The following CEP192 variants were observed in gnomAD, a reference collection of about 807,000 sequenced individuals.
The protein encoded by CEP192 is centrosomal protein 192.
Under a neutral mutation model 271.8 loss-of-function variants are expected in CEP192, and 151 were observed. That is an observed-to-expected ratio of 0.56 (90% CI 0.49 to 0.64). The LOEUF (loss-of-function observed/expected upper bound fraction) is 0.64. Ranked by LOEUF, CEP192 falls within the 30% of genes least tolerant of loss-of-function variation. CEP192 has a pLI of 0.00. For missense variants in CEP192, 2,910 were observed against 3,020.5 expected, an observed-to-expected ratio of 0.96 and a Z score of 0.86; for synonymous variants, 995 against 1,076.5, an observed-to-expected ratio of 0.92 and a Z score of 1.48.
At chr18:13,124,609 G>C (rs760966577) in intron 44 of CEP192, 23 bp from the exon 45 acceptor site, 2 of 1,601,072 alleles carry the variant, frequency 1.2e-6, no homozygotes, top group South Asian at 1.1e-5. Flanking sequence ...ACATGCTGCT[G>C]TCATGTGCCT....
chr18:13,053,140 G>A (rs759067489), intron 18 of CEP192, 50 bp downstream of exon 18: 3 of 1,436,872 alleles, frequency 2.1e-6, no homozygotes, highest in Non-Finnish European at 2.8e-6. Flanking sequence ...ACTCTTAAAA[G>A]TGTTAACAGA....
chr18:13,088,696 G>A (rs1349148476), intron 32 of CEP192: 1 of 243,462 alleles, frequency 4.1e-6, no homozygotes, highest in East Asian at 9.2e-5. Flanking sequence ...CTTTGTGCTT[G>A]ACTGTTTTTT....
intron 28 of CEP192, among the ~76,000 whole-genome samples, 166 bp downstream of exon 28, chr18:13,071,378 A>AT (rs752185976): frequency 2.6e-5 from 4 of 152,212 alleles, no homozygotes; most frequent in Non-Finnish European, 5.9e-5. Context: ...GCTTTTCTTT[A>AT]ACATATATTC....
At position 13,049,489 on chromosome 18, in the gene CEP192, A is replaced by G. The variant is rs751821420; in HGVS notation, c.2698A>G (p.Ile900Val). 5 of 1,614,094 alleles carry G rather than the reference A, an allele frequency of 3.1e-6. No homozygotes were observed. The highest frequency in any genetic ancestry group is 4.2e-6 in the Non-Finnish European group (5 of 1,180,004). Reference protein sequence around the residue: ...DVGNDEKATSISTPSDSYSSV... With the variant: ...DVGNDEKATSVSTPSDSYSSV... ...TGGTAACGATGAAAAAGCTACCTCAATTTCCACTCCATCTGATAGTTATTC... is the reference window on the plus strand; with the variant it reads ...TGGTAACGATGAAAAAGCTACCTCAGTTTCCACTCCATCTGATAGTTATTC... The change falls in exon 16 of 45, where the codon ATT (isoleucine) becomes GTT (valine). Residue 900 changes from isoleucine to valine, a missense_variant. By Grantham distance (29) the Ile-to-Val change is conservative. Transcript: ENST00000506447.
chr18:13,086,287 C>T lies in CEP192; in HGVS notation c.5617-730C>T, dbSNP rs192299529. Among the ~76,000 whole-genome samples the T allele has an allele frequency of 4.4e-3, 677 of 152,302 alleles. 6 individuals are homozygous for T. Among genetic ancestry groups the T allele is most frequent in the Middle Eastern group, 0.017 (5 of 294 alleles). On this transcript the variant is annotated intron_variant, in intron 30 of 44. Coordinates refer to ENST00000506447, the MANE Select transcript of CEP192 (RefSeq NM_032142.4). ...AGATTAAGGAGATTTTGGACTGAGA[C>T]GATGGGGTTTTCTAAATATACAATC... is the stretch of plus-strand genomic sequence containing the variant.
chr18:13,020,258 C>T (rs572507882), intron 9 of CEP192, among the ~76,000 whole-genome samples: 7 of 152,278 alleles, frequency 4.6e-5, no homozygotes, highest in Admixed American at 6.5e-5. Context: ...CAACTCATGG[C>T]AGCTACCATT....
intron 1 of CEP192, among the ~76,000 whole-genome samples, chr18:12,992,185 G>A (rs2032904853): frequency 6.6e-6 from 1 of 152,080 alleles, no homozygotes; most frequent in Admixed American, 6.5e-5. Flanking sequence ...CTATTTTGAG[G>A]TCATTCGACT....
At chr18:13,124,515 C>A in intron 44 of CEP192, 117 bp from the exon 45 acceptor site, 4 of 853,036 alleles carry the variant, frequency 4.7e-6, no homozygotes, top group Admixed American at 2.9e-5. Flanking sequence ...TACATTTAAG[C>A]TGAATGTGGC....
intron 20 of CEP192, 74 bp from the exon 21 acceptor site, chr18:13,059,008 T>C: frequency 1.1e-6 from 1 of 936,016 alleles, no homozygotes; most frequent in Non-Finnish European, 1.7e-6. Context: ...GGAAAAGGAA[T>C]CTTAAACTAG....
At position 13,118,290 on chromosome 18, in the gene CEP192, A is replaced by G. The variant is rs571386231; in HGVS notation, c.7475+647A>G. On this transcript the variant is annotated intron_variant, in intron 44 of 44. Transcript: ENST00000506447. ...AATCTTTAAGTCATTTAATTATTGT[A>G]AAGTCTCTCATTTTAGCATTAGGAG... Among the ~76,000 whole-genome samples the G allele has an allele frequency of 5.7e-5, 7 of 121,982 alleles. No individual in the cohort carries two copies. In the South Asian group the frequency reaches 1.7e-3, roughly 30 times the overall value. The allele number at this position is 121,982 out of a possible 152,430, so 80.0% of individuals were successfully genotyped here. A position where few individuals can be genotyped will look rare whatever the true frequency, so the allele number is the denominator to read the frequency against.
intron 34 of CEP192, among the ~76,000 whole-genome samples, chr18:13,092,997 AC>A (rs2039223859): frequency 6.6e-6 from 1 of 152,104 alleles, no homozygotes; most frequent in Non-Finnish European, 1.5e-5. Flanking sequence ...TACTAAAAAT[AC>A]AAAAAAAAAA....
At chr18:13,064,481 G>A (rs1333526559) in intron 21 of CEP192, among the ~76,000 whole-genome samples, 6 of 151,974 alleles carry the variant, frequency 3.9e-5, no homozygotes, top group South Asian at 4.2e-4. Context: ...GCGTGGTGGC[G>A]GGCACCTGTA....
intron 3 of CEP192, among the ~76,000 whole-genome samples, chr18:13,006,231 A>G (rs2033972648): frequency 6.6e-6 from 1 of 150,944 alleles, no homozygotes; most frequent in African/African-American, 2.4e-5. Flanking sequence ...TCATTAAATC[A>G]TTTGGCAATC....
chr18:13,050,226 T>C (rs1321368519), intron 17 of CEP192, among the ~76,000 whole-genome samples: 1 of 152,210 alleles, frequency 6.6e-6, no homozygotes, highest in Non-Finnish European at 1.5e-5. Context: ...ATAACTTTGT[T>C]CATAAAATTT....
At chr18:13,067,596 A>C (rs1288804953) in intron 21 of CEP192, among the ~76,000 whole-genome samples, 1 of 152,208 alleles carries the variant, frequency 6.6e-6, no homozygotes, top group Non-Finnish European at 1.5e-5. Flanking sequence ...GTCTTTTCAA[A>C]GTAACAGCAG....
At chr18:13,050,587 TC>T (rs1169805324) in intron 17 of CEP192, among the ~76,000 whole-genome samples, 1 of 151,300 alleles carries the variant, frequency 6.6e-6, no homozygotes, top group Non-Finnish European at 1.5e-5. Flanking sequence ...TTTTTTTTTT[TC>T]TTTTTTTTTC....
rs2037876684 is a variant in CEP192, at chr18:13,069,187, C to T, written c.5055+6C>T. 1 of 1,607,800 alleles carries T rather than the reference C, an allele frequency of 6.2e-7. No individual in the cohort carries two copies. Among genetic ancestry groups the T allele is most frequent in the Non-Finnish European group, 8.5e-7 (1 of 1,174,216 alleles). ...AAGTTTATTTGGATATCAAGGTATGCACTTCCATGAGAGTGCCATAAGATA... is the reference window on the plus strand; with the variant it reads ...AAGTTTATTTGGATATCAAGGTATGTACTTCCATGAGAGTGCCATAAGATA... On this transcript the variant is annotated splice_donor_region_variant and intron_variant, in intron 26 of 44. Coordinates refer to ENST00000506447, the MANE Select transcript of CEP192 (RefSeq NM_032142.4).
rs565384485 is a variant in CEP192 at position 13,056,381 on chromosome 18, G to C, written c.3791G>C (p.Arg1264Pro). The change falls in exon 19 of 45, where the codon CGG becomes CCG. Residue 1264 changes from arginine (R) to proline (P), a missense_variant. Physicochemically the swap from Arg to Pro is moderately radical, Grantham distance 103. Transcript: ENST00000506447. ...PSLSAAPFAQRYLGTLPSTGS... is the reference protein window; with the variant it reads ...PSLSAAPFAQPYLGTLPSTGS... ...CTCAGCGCTGCTCCTTTTGCTCAGC[G>C]GTATTTGGGAACACTCCCTTCAACT... The C allele has an allele frequency of 1.2e-6, 2 of 1,614,210 alleles. No individual in the cohort carries two copies. Among genetic ancestry groups the C allele is most frequent in the East Asian group, 4.5e-5 (2 of 44,888 alleles).
intron 1 of CEP192, among the ~76,000 whole-genome samples, chr18:12,993,251 C>T (rs769897276): frequency 3.9e-5 from 6 of 151,988 alleles, no homozygotes; most frequent in South Asian, 2.1e-4. Context: ...AAGATAACGG[C>T]GGGAATGAAT....
Sources: allele counts gnomAD v4.1 joint callset (sites outside exome capture counted in the v4.1 genomes callset), GRCh38; gene constraint gnomAD v4.1.1; transcripts MANE v1.5; gene names NCBI Gene and HGNC (gene_info 2026-07-23, HGNC 2026-07-21).